DMD: variants seen among roughly 807,000 people sequenced by gnomAD.
The protein encoded by DMD is mutant dystrophin.
In DMD, 63 loss-of-function variants were observed where a neutral mutation model predicts 330.1. That is an observed-to-expected ratio of 0.19 (90% confidence interval 0.16 to 0.24). The LOEUF is 0.24. Among genes scored for constraint, DMD ranks in the 10% least tolerant of loss-of-function variants. The probability of loss-of-function intolerance (pLI) is 1.00; values close to 1 mark genes in which losing one functional copy is unlikely to be tolerated. For synonymous variants in DMD, 1,223 were observed against 959.8 expected (o/e 1.27, Z -5.07); for missense variants, 3,344 against 2,684.1 (o/e 1.25, Z -5.43).
At chrX:31,345,253 C>G (rs1290975405) in intron 61 of DMD, among the ~76,000 whole-genome samples, 3 of 111,419 alleles carry the variant, frequency 2.7e-5, no homozygotes, top group Non-Finnish European at 5.6e-5. Flanking sequence ...ACAGGCCTGA[C>G]CTTTCTGGAA....
Position 32,507,008 on chromosome X carries a change from C to A in DMD, c.2293-5166G>T, listed in dbSNP as rs187059601. Among the ~76,000 whole-genome samples, 476 of 111,629 alleles carry A rather than the reference C, an allele frequency of 4.3e-3. 5 individuals carry two copies. The highest frequency in any genetic ancestry group is 0.014 in the Middle Eastern group (3 of 214). On this transcript the variant is annotated intron_variant, in intron 18 of 78. Coordinates refer to ENST00000357033, the MANE Select transcript of DMD (RefSeq NM_004006.3). ...GTTATCTGTCCTTAGCAGCTTATGG[C>A]ATACTTGTTTTTCACTACTTACATT... is the stretch of plus-strand genomic sequence containing the variant.
intron 16 of DMD, among the ~76,000 whole-genome samples, chrX:32,561,270 C>G (rs1448166885): frequency 9.0e-6 from 1 of 111,093 alleles, no homozygotes; most frequent in Non-Finnish European, 1.9e-5. Context: ...TAAAACGTAA[C>G]AGGAGCGGAT....
intron 9 of DMD, among the ~76,000 whole-genome samples, chrX:32,685,838 A>G (rs903574573): frequency 1.8e-5 from 2 of 111,947 alleles, no homozygotes; most frequent in Non-Finnish European, 3.8e-5. Flanking sequence ...AATTGATAGC[A>G]TTCTCATAAT....
chrX:31,278,225 C>A (rs1047185825), intron 62 of DMD, among the ~76,000 whole-genome samples: 2 of 111,331 alleles, frequency 1.8e-5, no homozygotes, highest in Non-Finnish European at 3.8e-5. Context: ...GGCTTTACTA[C>A]ATAAAGAAAT....
intron 54 of DMD, among the ~76,000 whole-genome samples, chrX:31,636,696 G>A (rs1489905354): frequency 1.8e-5 from 2 of 111,371 alleles, no homozygotes; most frequent in Non-Finnish European, 3.8e-5. Flanking sequence ...AAAGCCCTTT[G>A]TTTTCTGTTA....
Position 32,297,205 on chromosome X carries a change from GT to G in DMD, c.6118-9505del, listed in dbSNP as rs2097500491. ...TCATTCATTAACTCAAGAAATATTT[GT>G]TGAAAAAACCTACCATGAGACAGTC... On this transcript the variant is annotated intron_variant, in intron 42 of 78. Coordinates refer to ENST00000357033, the MANE Select transcript of DMD (RefSeq NM_004006.3). Among the ~76,000 whole-genome samples, 10 of 109,466 alleles carry G rather than the reference GT, an allele frequency of 9.1e-5. No individual in the cohort carries two copies. In the South Asian group the frequency reaches 3.9e-3, roughly 43 times the overall value.
At chrX:32,836,202 T>C (rs2079613124) in intron 4 of DMD, among the ~76,000 whole-genome samples, 1 of 109,300 alleles carries the variant, frequency 9.1e-6, no homozygotes, top group Admixed American at 9.8e-5. Flanking sequence ...CGTCTAATTT[T>C]TTTTTTTTTA....
intron 49 of DMD, among the ~76,000 whole-genome samples, chrX:31,831,863 A>G (rs920597621): frequency 3.4e-4 from 38 of 112,524 alleles, no homozygotes; most frequent in Middle Eastern, 4.6e-3. Context: ...TGGCCTCCCA[A>G]AGTGCTGGTA....
chrX:33,207,885 G>A (rs752290700), intron 1 of DMD, among the ~76,000 whole-genome samples: 4 of 111,152 alleles, frequency 3.6e-5, no homozygotes, highest in East Asian at 5.7e-4. Flanking sequence ...TAATAAAAAC[G>A]TTTATTTCCC....
Position 32,487,381 on chromosome X carries a change from A to G in DMD, c.2623-2282T>C, listed in dbSNP as rs181184023. On this transcript the variant is annotated intron_variant, in intron 20 of 78. Transcript: ENST00000357033. ...AGAAAAAAATACTTGAGGGTTAGTT[A>G]CTATTTAATATGTAACAACAGGAAA... Among the ~76,000 whole-genome samples, 265 of 111,688 alleles carry G rather than the reference A, an allele frequency of 2.4e-3. 1 individual carries two copies. Among genetic ancestry groups the G allele is most frequent in the African/African-American group, 8.4e-3 (259 of 30,785 alleles).
chrX:31,937,636 A>G (rs998541460), intron 45 of DMD, among the ~76,000 whole-genome samples: 2 of 112,148 alleles, frequency 1.8e-5, no homozygotes, highest in Middle Eastern at 4.6e-3. Flanking sequence ...AAAAGCTGCA[A>G]TTTGAATTTA....
chrX:32,565,642 T>C lies in DMD; in HGVS notation c.1992+60A>G, dbSNP rs1431937969. The C allele has an allele frequency of 7.2e-6, 8 of 1,112,665 alleles. 1 individual carries two copies. Among genetic ancestry groups the C allele is most frequent in the Non-Finnish European group, 9.9e-6 (8 of 807,518 alleles). 91.7% of individuals were successfully genotyped at this position (1,112,665 alleles called of 1,213,427 possible). A position where few individuals can be genotyped will look rare whatever the true frequency, so the allele number is the denominator to read the frequency against. ...TTTGTAGGGTTATAATGTCACTCTC[T>C]TAATGCAGGTTTAAAAAATCTCTGA... On this transcript the variant is annotated intron_variant, in intron 16 of 78. Coordinates refer to ENST00000357033, the MANE Select transcript of DMD (RefSeq NM_004006.3).
At chrX:32,746,029 C>A (rs1251311984) in intron 7 of DMD, among the ~76,000 whole-genome samples, 1 of 112,112 alleles carries the variant, frequency 8.9e-6, no homozygotes, top group East Asian at 2.8e-4. Flanking sequence ...ACCATTTTCA[C>A]CAAATCTGCA....
rs187056505 is a variant in DMD, at chrX:32,013,533, T to A, written c.6439-45019A>T. ...CTTAGGGAGAATGAGCCATATTTAA[T>A]ACATTTTTGTATACCCCACATGGCC... On this transcript the variant is annotated intron_variant, in intron 44 of 78. Transcript: ENST00000357033. 8.0e-5 allele frequency among the ~76,000 whole-genome samples: 9 copies of A among 112,457 alleles called. No individual in the cohort carries two copies. In the East Asian group the frequency reaches 2.2e-3, roughly 28 times the overall value.
At position 32,502,725 on chromosome X, in the gene DMD, G is replaced by C. The variant is rs762805371; in HGVS notation, c.2293-883C>G. 2.7e-5 allele frequency among the ~76,000 whole-genome samples: 3 copies of C among 112,157 alleles called. No homozygotes were observed. In the Admixed American group the frequency reaches 2.8e-4, roughly 11 times the overall value. On this transcript the variant is annotated intron_variant, in intron 18 of 78. Coordinates refer to ENST00000357033, the MANE Select transcript of DMD (RefSeq NM_004006.3). The stretch of plus-strand genomic sequence containing the variant: ...TATAACAAAGATTTCTCTTGAATTT[G>C]AGGCAGAAGGTTATTCTACATGAGA...
At chrX:32,252,725 AATATATAAAT>A (rs1569553628) in intron 43 of DMD, among the ~76,000 whole-genome samples, 15 of 36,419 alleles carry the variant, frequency 4.1e-4, no homozygotes, top group East Asian at 1.3e-3. Flanking sequence ...AATATATATA[AATATATAAAT>A]ATATATATAA....
chrX:32,598,513 G>C (rs1012088687), intron 12 of DMD, among the ~76,000 whole-genome samples: 1 of 111,675 alleles, frequency 9.0e-6, no homozygotes, highest in African/African-American at 3.3e-5. Context: ...CCTTCAATGA[G>C]TATATATAAT....
intron 29 of DMD, among the ~76,000 whole-genome samples, chrX:32,428,885 T>C (rs2098224252): frequency 8.9e-6 from 1 of 111,804 alleles, no homozygotes; most frequent in Non-Finnish European, 1.9e-5. Flanking sequence ...GTGCTGGGAT[T>C]AGAGGCGTGA....
intron 6 of DMD, among the ~76,000 whole-genome samples, chrX:32,813,506 C>T (rs962293415): frequency 8.9e-6 from 1 of 111,888 alleles, no homozygotes; most frequent in African/African-American, 3.2e-5. Context: ...ATGACAGCAT[C>T]TACGTCATGG....
Sources: gnomAD v4.1 joint callset for allele counts (sites outside exome capture counted in the v4.1 genomes callset) on GRCh38, gnomAD v4.1.1 for gene constraint, MANE v1.5 for transcripts, NCBI Gene and HGNC (gene_info 2026-07-23, HGNC 2026-07-21) for gene names.